XKR6: variants seen among roughly 807,000 people sequenced by gnomAD.
XKR6 encodes XK related 6.
XKR6 carries 22 observed loss-of-function variants against 56.7 expected under a neutral mutation model. The observed-to-expected ratio is 0.39, with a 90% CI of 0.28 to 0.55. The LOEUF is 0.55. Ranked by LOEUF, XKR6 falls within the 20% of genes least tolerant of loss-of-function variation. The probability of loss-of-function intolerance (pLI) is 0.66; values close to 1 mark genes in which losing one functional copy is unlikely to be tolerated. For synonymous variants in XKR6, 524 were observed against 387.8 expected (o/e 1.35, Z -4.13); for missense variants, 852 against 889.0 (o/e 0.96, Z 0.53).
intron 1 of XKR6, among the ~76,000 whole-genome samples, chr8:10,934,504 T>C (rs1174708329): frequency 7.8e-6 from 1 of 127,872 alleles, no homozygotes; most frequent in East Asian, 1.9e-4. Flanking sequence ...CTTCCAGTTT[T>C]TGCCCATTCA....
chr8:10,959,332 C>G (rs1367929282), intron 1 of XKR6, among the ~76,000 whole-genome samples: 1 of 152,136 alleles, frequency 6.6e-6, no homozygotes, highest in Non-Finnish European at 1.5e-5. Context: ...CAGAGACCAC[C>G]TCTGGGCATA....
chr8:10,988,257 G>A (rs1797907841), intron 1 of XKR6, among the ~76,000 whole-genome samples: 1 of 152,106 alleles, frequency 6.6e-6, no homozygotes, highest in African/African-American at 2.4e-5. Flanking sequence ...AATCTGTTTT[G>A]TTTGTTACTG....
chr8:11,145,138 C>T (rs898565154), intron 1 of XKR6, among the ~76,000 whole-genome samples: 9 of 152,018 alleles, frequency 5.9e-5, no homozygotes, highest in African/African-American at 1.2e-4. Context: ...TTTTGAGCAA[C>T]GACATGATAC....
At chr8:10,973,508 T>G (rs1355156010) in intron 1 of XKR6, among the ~76,000 whole-genome samples, 1 of 152,220 alleles carries the variant, frequency 6.6e-6, no homozygotes, top group African/African-American at 2.4e-5. Context: ...TATCCCCGTT[T>G]TATACATAAG....
chr8:11,133,965 C>A (rs1038236810), intron 1 of XKR6, among the ~76,000 whole-genome samples: 3 of 152,174 alleles, frequency 2.0e-5, no homozygotes, highest in Non-Finnish European at 4.4e-5. Context: ...ATGTTTTTGA[C>A]CTGATCTTCT....
intron 1 of XKR6, among the ~76,000 whole-genome samples, chr8:10,975,372 G>A (rs1448423480): frequency 6.6e-6 from 1 of 152,226 alleles, no homozygotes; most frequent in Non-Finnish European, 1.5e-5. Context: ...CAAGTCCAGT[G>A]TCCTCCCCAG....
intron 1 of XKR6, among the ~76,000 whole-genome samples, chr8:11,056,734 C>T (rs140420980): frequency 1.6e-4 from 25 of 152,270 alleles, no homozygotes; most frequent in Non-Finnish European, 3.4e-4. Context: ...CTGTGTGACC[C>T]CACTACCTTT....
At chr8:11,092,835 G>A (rs1798120677) in intron 1 of XKR6, among the ~76,000 whole-genome samples, 1 of 152,190 alleles carries the variant, frequency 6.6e-6, no homozygotes, top group Middle Eastern at 3.4e-3. Context: ...GGAGCAGAAA[G>A]GGGCCTGACA....
chr8:11,060,564 T>C (rs906281038), intron 1 of XKR6, among the ~76,000 whole-genome samples: 2 of 152,214 alleles, frequency 1.3e-5, no homozygotes, highest in African/African-American at 4.8e-5. Context: ...GTTTGGGTTT[T>C]TCTCCTGCAT....
intron 2 of XKR6, among the ~76,000 whole-genome samples, chr8:10,909,176 AAAAAT>A (rs921196434): frequency 6.6e-6 from 1 of 151,680 alleles, no homozygotes; most frequent in Non-Finnish European, 1.5e-5. Context: ...AAAAAAAAAA[AAAAAT>A]AGTTTGGCCT....
At chr8:10,957,524 A>T (rs1011048692) in intron 1 of XKR6, among the ~76,000 whole-genome samples, 3 of 152,142 alleles carry the variant, frequency 2.0e-5, no homozygotes, top group Admixed American at 1.3e-4. Context: ...GGGATGATAC[A>T]TCAATGTCTT....
intron 1 of XKR6, among the ~76,000 whole-genome samples, chr8:11,119,430 T>A (rs1223123998): frequency 1.3e-5 from 2 of 152,202 alleles, no homozygotes; most frequent in East Asian, 1.9e-4. Context: ...CCCATTATTA[T>A]TGTGTGGGAG....
intron 1 of XKR6, among the ~76,000 whole-genome samples, chr8:11,089,268 G>A (rs1479995872): frequency 6.6e-6 from 1 of 152,168 alleles, no homozygotes; most frequent in Non-Finnish European, 1.5e-5. Context: ...GAAAACCTTA[G>A]AAACCTACTG....
chr8:11,127,352 C>A (rs184242903), intron 1 of XKR6, among the ~76,000 whole-genome samples: 22 of 152,328 alleles, frequency 1.4e-4, no homozygotes, highest in African/African-American at 4.8e-4. Flanking sequence ...TAATAAGTTA[C>A]CCATCTTTTC....
intron 1 of XKR6, among the ~76,000 whole-genome samples, chr8:11,186,169 T>A (rs1427051139): frequency 6.6e-6 from 1 of 151,944 alleles, no homozygotes; most frequent in Non-Finnish European, 1.5e-5. Flanking sequence ...TACACACACA[T>A]AGACACATTC....
chr8:11,042,797 C>T (rs1183538028), intron 1 of XKR6, among the ~76,000 whole-genome samples: 1 of 152,216 alleles, frequency 6.6e-6, no homozygotes, highest in Non-Finnish European at 1.5e-5. Flanking sequence ...CCTGGACTAA[C>T]ATTTGGATCC....
rs1554522495 is a variant in XKR6, at chr8:11,002,080, A to AC, written c.765-77251_765-77250insG. Among the ~76,000 whole-genome samples, 994 of 142,714 alleles carry AC rather than the reference A, an allele frequency of 7.0e-3. 13 individuals carry two copies. The highest frequency in any genetic ancestry group is 0.023 in the African/African-American group (863 of 37,244). 93.6% of individuals were successfully genotyped at this position (142,714 alleles called of 152,430 possible). A position where few individuals can be genotyped will look rare whatever the true frequency, so the allele number is the denominator to read the frequency against. On this transcript the variant is annotated intron_variant, in intron 1 of 2. Coordinates refer to ENST00000416569, the MANE Select transcript of XKR6 (RefSeq NM_173683.4). ...CCATGTGAGTTAAAAAAAAAAAAAA[A>AC]ACACACAAAAAACCTCCTTCCAGGT...
intron 1 of XKR6, among the ~76,000 whole-genome samples, chr8:11,159,970 C>T (rs536633102): frequency 3.3e-4 from 50 of 152,090 alleles, no homozygotes; most frequent in African/African-American, 1.1e-3. Context: ...GGAATCAAGC[C>T]GATAAAATAA....
At chr8:11,075,889 C>G (rs543263565) in intron 1 of XKR6, among the ~76,000 whole-genome samples, 1 of 152,070 alleles carries the variant, frequency 6.6e-6, no homozygotes, top group South Asian at 2.1e-4. Context: ...CCAAAAAAAA[C>G]GTAACTTGAT....
Sources: allele counts gnomAD v4.1 joint callset (sites outside exome capture counted in the v4.1 genomes callset), GRCh38; gene constraint gnomAD v4.1.1; transcripts MANE v1.5; gene names NCBI Gene and HGNC (gene_info 2026-07-23, HGNC 2026-07-21).